Variants in CTNNA3 observed in about 807,000 individuals in gnomAD.
The protein encoded by CTNNA3 is catenin alpha 3.
In CTNNA3, 76 loss-of-function variants were observed where a neutral mutation model predicts 95.7. That is an observed-to-expected ratio of 0.79 (90% CI 0.66 to 0.96). CTNNA3 has a LOEUF of 0.96. Ranked by LOEUF, CTNNA3 falls within the 40% of genes least tolerant of loss-of-function variation. The pLI, the probability that CTNNA3 is intolerant of heterozygous loss-of-function variation, is 0.00. For missense variants in CTNNA3, 1,191 were observed against 1,089.8 expected (o/e 1.09, Z -1.31); for synonymous variants, 431 against 374.4 (o/e 1.15, Z -1.74).
At chr10:65,991,954 A>G (rs2133337341) in intron 15 of CTNNA3, among the ~76,000 whole-genome samples, 1 of 152,168 alleles carries the variant, frequency 6.6e-6, no homozygotes, top group East Asian at 1.9e-4. Context: ...AGTTTTCATC[A>G]TGAAAAGATC....
intron 1 of CTNNA3, among the ~76,000 whole-genome samples, chr10:67,717,290 T>C (rs1415490111): frequency 6.6e-6 from 1 of 152,220 alleles, no homozygotes; most frequent in African/African-American, 2.4e-5. Flanking sequence ...TGAAGATAGT[T>C]TCTTTTGCTG....
intron 11 of CTNNA3, among the ~76,000 whole-genome samples, chr10:66,440,440 T>C (rs2093367355): frequency 6.6e-6 from 1 of 152,228 alleles, no homozygotes; most frequent in African/African-American, 2.4e-5. Flanking sequence ...ATTTTCTCTG[T>C]GTCTGCAGCT....
intron 5 of CTNNA3, among the ~76,000 whole-genome samples, chr10:67,362,217 C>T (rs963639667): frequency 6.6e-6 from 1 of 152,090 alleles, no homozygotes; most frequent in Admixed American, 6.6e-5. Flanking sequence ...ACCAATCCTG[C>T]TGAAACTGCT....
chr10:67,700,687 A>AG (rs1222737288), upstream of CTNNA3, among the ~76,000 whole-genome samples: 1 of 152,228 alleles, frequency 6.6e-6, no homozygotes, highest in Non-Finnish European at 1.5e-5. Context: ...AAAACAGAGC[A>AG]GAAAAACTGG....
chr10:66,581,753 C>A (rs117860158), intron 10 of CTNNA3, among the ~76,000 whole-genome samples: 4,166 of 151,568 alleles, frequency 0.027, 102 homozygotes, highest in Non-Finnish European at 0.045. Context: ...CCTAGGTACT[C>A]TTCTAGATCT....
chr10:66,435,166 G>C (rs1042163001), intron 11 of CTNNA3, among the ~76,000 whole-genome samples: 6 of 152,108 alleles, frequency 3.9e-5, no homozygotes, highest in African/African-American at 1.2e-4. Context: ...CTCATAAAAT[G>C]AGTTATTTTA....
chr10:67,250,493 G>T (rs1362836235), intron 5 of CTNNA3, among the ~76,000 whole-genome samples: 1 of 152,068 alleles, frequency 6.6e-6, no homozygotes, highest in African/African-American at 2.4e-5. Context: ...GGGATTACAG[G>T]CATGAGCCAC....
chr10:66,754,598 A>T (rs914971596), intron 9 of CTNNA3, among the ~76,000 whole-genome samples: 1 of 152,150 alleles, frequency 6.6e-6, no homozygotes, highest in African/African-American at 2.4e-5. Context: ...ATGGAAGAAA[A>T]ATTTTGCGAA....
intron 11 of CTNNA3, among the ~76,000 whole-genome samples, chr10:66,432,819 A>T (rs746170051): frequency 2.0e-5 from 3 of 149,926 alleles, no homozygotes; most frequent in Non-Finnish European, 3.0e-5. Context: ...CCAACCCCCA[A>T]CAGGGTATGT....
chr10:67,181,209 T>G (rs1199347990), intron 6 of CTNNA3, among the ~76,000 whole-genome samples: 1 of 152,184 alleles, frequency 6.6e-6, no homozygotes, highest in African/African-American at 2.4e-5. Context: ...TTTAATTATT[T>G]AATTTAAAAC....
At chr10:66,607,699 CAT>C (rs1174487952) in intron 10 of CTNNA3, among the ~76,000 whole-genome samples, 2 of 152,076 alleles carry the variant, frequency 1.3e-5, no homozygotes, top group African/African-American at 4.8e-5. Context: ...ACAAAAACCA[CAT>C]GATTATCTCA....
At chr10:67,281,091 T>A (rs1839382518) in intron 5 of CTNNA3, among the ~76,000 whole-genome samples, 1 of 152,126 alleles carries the variant, frequency 6.6e-6, no homozygotes, top group African/African-American at 2.4e-5. Context: ...CTGTCTTTAT[T>A]TTTTCTCCTA....
chr10:67,318,310 T>C (rs1287969777), intron 5 of CTNNA3, among the ~76,000 whole-genome samples: 1 of 152,158 alleles, frequency 6.6e-6, no homozygotes, highest in Non-Finnish European at 1.5e-5. Flanking sequence ...TGTTCTACAT[T>C]TTATCCCCCA....
intron 10 of CTNNA3, among the ~76,000 whole-genome samples, chr10:66,548,772 A>G (rs1336992798): frequency 6.6e-6 from 1 of 152,008 alleles, no homozygotes; most frequent in Non-Finnish European, 1.5e-5. Flanking sequence ...TTCCTGAAAA[A>G]TATGTATCTT....
intron 10 of CTNNA3, among the ~76,000 whole-genome samples, chr10:66,598,315 T>A (rs747879472): frequency 1.1e-4 from 16 of 152,030 alleles, no homozygotes; most frequent in Admixed American, 3.9e-4. Context: ...CACTCAATGA[T>A]GAAAATTTGA....
intron 10 of CTNNA3, among the ~76,000 whole-genome samples, chr10:66,618,970 T>C (rs1473104519): frequency 6.6e-6 from 1 of 152,188 alleles, no homozygotes; most frequent in Non-Finnish European, 1.5e-5. Flanking sequence ...ATGCTCATCA[T>C]CACTGGCCAT....
rs558810483 is a variant in CTNNA3 at position 66,926,831 on chromosome 10, T to C, written c.1048-151307A>G. 1.6e-4 allele frequency: 191 copies of C among 1,218,966 alleles called. 1 individual carries two copies. The South Asian group carries it at 2.8e-3, about 18-fold the overall frequency. 75.5% of individuals were successfully genotyped at this position (1,218,966 alleles called of 1,614,324 possible). ...TAAGTGTTATTTAGATTTAAATTTT[T>C]AAAAATGAAAAATATATGCCTATTT... is the stretch of plus-strand genomic sequence containing the variant. On this transcript the variant is annotated intron_variant, in intron 7 of 17. Coordinates refer to ENST00000433211, the MANE Select transcript of CTNNA3 (RefSeq NM_013266.4).
In CTNNA3 at chr10:66,021,852, C is replaced by CTTTTTTTTTTTTTT. The variant is rs34671813; in HGVS notation, c.2160-33069_2160-33056dup. 2.6e-3 allele frequency among the ~76,000 whole-genome samples: 196 copies of CTTTTTTTTTTTTTT among 75,916 alleles called. 47 individuals carry two copies. The highest frequency in any genetic ancestry group is 0.018 in the East Asian group (28 of 1,590). 49.8% of individuals were successfully genotyped at this position (75,916 alleles called of 152,430 possible). A position where few individuals can be genotyped will look rare whatever the true frequency, so the allele number is the denominator to read the frequency against. ...GGAAATTCCATATACAGGATCTTGG[C>CTTTTTTTTTTTTTT]TTTTTTTTTTTTTTTTAGATAGATA... On this transcript the variant is annotated intron_variant, in intron 15 of 17. Coordinates refer to ENST00000433211, the MANE Select transcript of CTNNA3 (RefSeq NM_013266.4).
intron 10 of CTNNA3, among the ~76,000 whole-genome samples, chr10:66,535,984 T>C (rs902645853): frequency 3.3e-5 from 5 of 152,036 alleles, no homozygotes; most frequent in African/African-American, 9.7e-5. Context: ...CATGATGAAA[T>C]TAAAATATTG....
Sources: gnomAD v4.1 joint callset for allele counts (sites outside exome capture counted in the v4.1 genomes callset) on GRCh38, gnomAD v4.1.1 for gene constraint, MANE v1.5 for transcripts, NCBI Gene and HGNC (gene_info 2026-07-23, HGNC 2026-07-21) for gene names.